The following GAB1 variants were observed in gnomAD, a reference collection of about 807,000 sequenced individuals.
GAB1 encodes the protein GRB2 associated binding protein 1, also known as GRB2-associated-binding protein 1.
Under a neutral mutation model 66.5 loss-of-function variants are expected in GAB1, and 19 were observed. The ratio of observed to expected loss-of-function variants is 0.29; its 90% CI spans 0.20 to 0.42. The LOEUF is 0.42. Among genes scored for constraint, GAB1 ranks in the 10% least tolerant of loss-of-function variants. The pLI, the probability that GAB1 is intolerant of heterozygous loss-of-function variation, is 1.00. For synonymous variants in GAB1, 294 were observed against 301.4 expected (o/e 0.98, Z 0.25); for missense variants, 732 against 858.5 (o/e 0.85, Z 1.84).
At chr4:143,372,819 C>T (rs1282348578) in intron 1 of GAB1, among the ~76,000 whole-genome samples, 1 of 152,144 alleles carries the variant, frequency 6.6e-6, no homozygotes, top group Non-Finnish European at 1.5e-5. Flanking sequence ...CTAGGCCAAA[C>T]CTTTCTGGTT....
chr4:143,348,803 C>T (rs1240163416), intron 1 of GAB1, among the ~76,000 whole-genome samples: 1 of 152,134 alleles, frequency 6.6e-6, no homozygotes, highest in East Asian at 1.9e-4. Flanking sequence ...TCCTTCTCCA[C>T]TCAGTCTCTC....
rs1433256027 is a variant in GAB1, at chr4:143,349,410, G to A, written c.72+12150G>A. ...CTTTCCAGAGGTCAGGGGTCAGATA[G>A]CTGTAGGTCTTAGAAATGGCATCAA... is the stretch of plus-strand genomic sequence containing the variant. On this transcript the variant is annotated intron_variant, in intron 1 of 9. Transcript: ENST00000262994. The A allele has an allele frequency of 1.0e-5, 11 of 1,064,556 alleles. No individual in the cohort carries two copies. The African/African-American group carries it at 1.5e-4, about 15-fold the overall frequency. 65.9% of individuals were successfully genotyped at this position (1,064,556 alleles called of 1,614,324 possible).
chr4:143,454,864 G>C (rs1227572837), intron 6 of GAB1, among the ~76,000 whole-genome samples: 1 of 151,928 alleles, frequency 6.6e-6, no homozygotes, highest in Non-Finnish European at 1.5e-5. Context: ...CCTAGCTAGA[G>C]AAGACTAAAG....
chr4:143,464,117 T>G (rs1735651576), intron 8 of GAB1, among the ~76,000 whole-genome samples: 1 of 152,198 alleles, frequency 6.6e-6, no homozygotes, highest in Non-Finnish European at 1.5e-5. Flanking sequence ...GATAAAAAAT[T>G]TCATGATGAT....
At chr4:143,430,005 AG>A (rs1211821264) in intron 2 of GAB1, among the ~76,000 whole-genome samples, 1 of 152,182 alleles carries the variant, frequency 6.6e-6, no homozygotes, top group African/African-American at 2.4e-5. Context: ...AAAGTCAAAA[AG>A]GTTACTTCAG....
intron 1 of GAB1, among the ~76,000 whole-genome samples, chr4:143,403,142 CT>C (rs202059722): frequency 8.1e-5 from 12 of 147,720 alleles, no homozygotes; most frequent in African/African-American, 9.9e-5. Flanking sequence ...TTTCTTTTTT[CT>C]TTTTTTTTTG....
At chr4:143,369,085 G>A (rs969897823) in intron 1 of GAB1, among the ~76,000 whole-genome samples, 10 of 152,142 alleles carry the variant, frequency 6.6e-5, no homozygotes, top group Non-Finnish European at 1.5e-4. Context: ...GATTACAGGT[G>A]TGCACCACCA....
At chr4:143,450,656 G>A (rs553336047) in intron 6 of GAB1, among the ~76,000 whole-genome samples, 218 of 152,232 alleles carry the variant, frequency 1.4e-3, no homozygotes, top group African/African-American at 4.9e-3. Flanking sequence ...TGGGGAGACC[G>A]AGGTGGGCAG....
chr4:143,369,423 A>T (rs1436095620), intron 1 of GAB1, among the ~76,000 whole-genome samples: 1 of 152,048 alleles, frequency 6.6e-6, no homozygotes, highest in Non-Finnish European at 1.5e-5. Context: ...TTAGTTTTTC[A>T]CTCTGGCTAC....
At chr4:143,400,222 C>T (rs936713498) in intron 1 of GAB1, among the ~76,000 whole-genome samples, 1 of 152,114 alleles carries the variant, frequency 6.6e-6, no homozygotes, top group African/African-American at 2.4e-5. Context: ...GGACTACAGG[C>T]GTGAGCCACT....
At chr4:143,409,537 G>A (rs1732257726) in intron 1 of GAB1, among the ~76,000 whole-genome samples, 1 of 152,064 alleles carries the variant, frequency 6.6e-6, no homozygotes, top group East Asian at 1.9e-4. Flanking sequence ...AGCTTTCAAG[G>A]AGCTTAATGT....
At chr4:143,396,216 C>T (rs1041414970) in intron 1 of GAB1, among the ~76,000 whole-genome samples, 2 of 152,196 alleles carry the variant, frequency 1.3e-5, no homozygotes, top group Admixed American at 6.6e-5. Context: ...CCTAGCCCTA[C>T]TTGGGACCTT....
intron 2 of GAB1, among the ~76,000 whole-genome samples, chr4:143,424,598 C>T (rs1275573556): frequency 6.6e-6 from 1 of 152,076 alleles, no homozygotes; most frequent in Non-Finnish European, 1.5e-5. Flanking sequence ...TATGAGCATC[C>T]ACTGAAATTA....
Position 143,473,513 on chromosome 4 carries a change from CCT to C in GAB1, c.*4329_*4330del, listed in dbSNP as rs139283442. The C allele has an allele frequency of 6.6e-6, 1 of 152,022 alleles. No individual in the cohort carries two copies. Among genetic ancestry groups the C allele is most frequent in the Non-Finnish European group, 1.5e-5 (1 of 68,034 alleles). The allele number at this position is 152,022 out of a possible 1,614,324, so 9.4% of individuals were successfully genotyped here. A position where few individuals can be genotyped will look rare whatever the true frequency, so the allele number is the denominator to read the frequency against. ...ATCATGTTGAAACACAAGTCATGAT[CCT>C]CTCTAAGTAAATAGAAAAAGCTCCC... On this transcript the variant is annotated 3_prime_UTR_variant, in exon 10 of 10. Transcript: ENST00000262994.
chr4:143,398,005 G>A (rs548387802), intron 1 of GAB1, among the ~76,000 whole-genome samples: 156 of 152,270 alleles, frequency 1.0e-3, no homozygotes, highest in Admixed American at 2.2e-3. Flanking sequence ...CCCATCTTCC[G>A]TAGCATTCAC....
chr4:143,404,395 A>T (rs932318921), intron 1 of GAB1, among the ~76,000 whole-genome samples: 1 of 152,234 alleles, frequency 6.6e-6, no homozygotes, highest in Non-Finnish European at 1.5e-5. Context: ...TAGGAAATAG[A>T]CCCACATGCT....
chr4:143,445,059 T>C (rs969517766), intron 6 of GAB1, among the ~76,000 whole-genome samples: 9 of 152,282 alleles, frequency 5.9e-5, no homozygotes, highest in African/African-American at 1.9e-4. Context: ...ACATGCGAGT[T>C]CGTGTGTCTT....
At chr4:143,421,343 A>G (rs1228865601) in intron 2 of GAB1, among the ~76,000 whole-genome samples, 1 of 152,108 alleles carries the variant, frequency 6.6e-6, no homozygotes, top group Non-Finnish European at 1.5e-5. Context: ...TAGTTAACAC[A>G]AAGCTGTAGT....
intron 6 of GAB1, among the ~76,000 whole-genome samples, chr4:143,445,645 G>A (rs892613956): frequency 3.3e-5 from 5 of 152,002 alleles, no homozygotes; most frequent in African/African-American, 9.7e-5. Context: ...TGAAGACTTG[G>A]TCATAATGCC....
Sources: gnomAD v4.1 joint callset for allele counts (sites outside exome capture counted in the v4.1 genomes callset) on GRCh38, gnomAD v4.1.1 for gene constraint, MANE v1.5 for transcripts, NCBI Gene and HGNC (gene_info 2026-07-23, HGNC 2026-07-21) for gene names.